The following MEGF10 variants were observed in gnomAD, a reference collection of about 807,000 sequenced individuals.
The protein encoded by MEGF10 is multiple epidermal growth factor-like domains protein 10.
Under a neutral mutation model 147.5 loss-of-function variants are expected in MEGF10, and 86 were observed. That is an observed-to-expected ratio of 0.58 (90% CI 0.49 to 0.70). MEGF10 has a LOEUF of 0.70. Ranked by LOEUF, MEGF10 falls within the 30% of genes least tolerant of loss-of-function variation. The pLI is 0.00. For missense variants in MEGF10, 1,329 were observed against 1,487.3 expected (o/e 0.89, Z 1.75); for synonymous variants, 478 against 525.5 (o/e 0.91, Z 1.24).
chr5:127,438,477 A>T lies in MEGF10; in HGVS notation c.2143A>T (p.Thr715Ser). 1 of 1,614,142 alleles carries T rather than the reference A, an allele frequency of 6.2e-7. No homozygotes were observed. The highest frequency in any genetic ancestry group is 1.7e-5 in the Admixed American group (1 of 60,016). Residue 715 changes from threonine to serine, a missense_variant, in exon 17 of 25, where the codon ACG (threonine) becomes TCG (serine). Physicochemically the swap from Thr to Ser is moderately conservative, Grantham distance 58 (BLOSUM62 1). This residue lies in a region of MEGF10 where 980 missense variants were observed against 1,085.9 expected (regional missense o/e 0.90). Transcript: ENST00000503335. ...CCACTGGGGCCCAAACTGCATCCAC[A>T]CGTGCAACTGCCATAATGGAGCTTT... Reference protein sequence around the residue: ...PAHWGPNCIHTCNCHNGAFCS... With the variant: ...PAHWGPNCIHSCNCHNGAFCS...
At chr5:127,415,795 C>T (rs558442146) in intron 9 of MEGF10, among the ~76,000 whole-genome samples, 39 of 147,766 alleles carry the variant, frequency 2.6e-4, no homozygotes, top group African/African-American at 8.9e-4. Context: ...CCCAGCTACT[C>T]GGGAGGCTGA....
At chr5:127,307,978 G>A (rs552559816) in intron 1 of MEGF10, among the ~76,000 whole-genome samples, 12 of 152,140 alleles carry the variant, frequency 7.9e-5, no homozygotes, top group Admixed American at 3.3e-4. Context: ...CAGAAGTCTC[G>A]CTGTCCCCTC....
At chr5:127,357,289 T>G (rs1303429780) in intron 4 of MEGF10, among the ~76,000 whole-genome samples, 3 of 152,184 alleles carry the variant, frequency 2.0e-5, no homozygotes, top group African/African-American at 7.2e-5. Context: ...ACAGAGGTAT[T>G]TTATGACAAA....
chr5:127,331,036 G>T (rs927895293), intron 1 of MEGF10, among the ~76,000 whole-genome samples: 1 of 152,168 alleles, frequency 6.6e-6, no homozygotes, highest in African/African-American at 2.4e-5. Flanking sequence ...AAATGAGAAG[G>T]GCTTTTGTTC....
intron 13 of MEGF10, among the ~76,000 whole-genome samples, chr5:127,432,397 G>A (rs958334121): frequency 6.6e-6 from 1 of 152,202 alleles, no homozygotes; most frequent in African/African-American, 2.4e-5. Flanking sequence ...GTGGTACTGG[G>A]TGGTTGTTAG....
chr5:127,266,314 G>T, the MEGF10 span, among the ~76,000 whole-genome samples: 3 of 151,984 alleles, frequency 2.0e-5, no homozygotes, highest in South Asian at 2.1e-4. Flanking sequence ...TGCTGTTTTG[G>T]TTACTGTAGC....
At chr5:127,272,130 G>A in the MEGF10 span, among the ~76,000 whole-genome samples, 1 of 152,136 alleles carries the variant, frequency 6.6e-6, no homozygotes, top group Admixed American at 6.5e-5. Context: ...AAGGAGTCCA[G>A]TTTCAATTTT....
At chr5:127,444,601 A>G (rs1476937317) in intron 19 of MEGF10, 1 of 152,216 alleles carries the variant, frequency 6.6e-6, no homozygotes, top group Non-Finnish European at 1.5e-5. Flanking sequence ...CAATTTTTTT[A>G]GATGCCAGAT....
At chr5:127,332,421 A>C (rs2126786131) in intron 2 of MEGF10, among the ~76,000 whole-genome samples, 1 of 152,300 alleles carries the variant, frequency 6.6e-6, no homozygotes, top group Admixed American at 6.5e-5. Context: ...CACACATTCT[A>C]ATCACCTTTG....
chr5:127,331,007 C>G (rs1217137098), intron 1 of MEGF10, among the ~76,000 whole-genome samples: 1 of 152,142 alleles, frequency 6.6e-6, no homozygotes, highest in Non-Finnish European at 1.5e-5. Flanking sequence ...TGGTAGATTT[C>G]TTTAATATTG....
At chr5:127,372,795 T>A (rs1303109873) in intron 5 of MEGF10, among the ~76,000 whole-genome samples, 1 of 152,192 alleles carries the variant, frequency 6.6e-6, no homozygotes, top group African/African-American at 2.4e-5. Flanking sequence ...GTGACATCAC[T>A]GGTGTCATCA....
chr5:127,302,170 C>A (rs1187368404), intron 1 of MEGF10, among the ~76,000 whole-genome samples: 3 of 152,130 alleles, frequency 2.0e-5, no homozygotes, highest in African/African-American at 7.2e-5. Flanking sequence ...ATGCTCCTAG[C>A]AGCATTATTT....
At chr5:127,363,125 G>T (rs938610088) in intron 4 of MEGF10, among the ~76,000 whole-genome samples, 3 of 152,100 alleles carry the variant, frequency 2.0e-5, no homozygotes, top group African/African-American at 7.2e-5. Flanking sequence ...TAAAATGTAT[G>T]GCAGAAGTTC....
Position 127,445,603 on chromosome 5 carries a change from A to G in MEGF10, c.2638A>G (p.Arg880Gly). 1 of 1,614,118 alleles carries G rather than the reference A, an allele frequency of 6.2e-7. No individual in the cohort carries two copies. Among genetic ancestry groups the G allele is most frequent in the Non-Finnish European group, 8.5e-7 (1 of 1,180,024 alleles). Residue 880 changes from arginine to glycine, a missense_variant, in exon 20 of 25, where the codon AGA becomes GGA. By Grantham distance (125) the Arg-to-Gly change is moderately radical. Around this residue, in one of 3 missense-constraint regions of MEGF10, gnomAD observed 343 missense variants for 377.9 expected, o/e 0.91. Transcript: ENST00000503335. ...CCTACTGGCATTGTTCATTATTTAT[A>G]GACACAAGCAGAAGGGAAAGGAATC... is the stretch of plus-strand genomic sequence containing the variant. ...LFLLALFIIY[R>G]HKQKGKESSM...
intron 1 of MEGF10, 104 bp downstream of exon 1, chr5:127,291,160 G>C (rs979911556): frequency 1.3e-5 from 2 of 152,298 alleles, no homozygotes; most frequent in Non-Finnish European, 2.9e-5. Context: ...AGGGTACCGG[G>C]GTGCGGCGTG....
At chr5:127,249,148 T>C in the MEGF10 span, among the ~76,000 whole-genome samples, 1 of 152,010 alleles carries the variant, frequency 6.6e-6, no homozygotes, top group African/African-American at 2.4e-5. Context: ...GCTTGGGTAC[T>C]GTGTTGTGGC....
chr5:127,338,688 A>C (rs151308084), intron 2 of MEGF10, among the ~76,000 whole-genome samples: 105 of 152,282 alleles, frequency 6.9e-4, no homozygotes, highest in African/African-American at 2.1e-3. Context: ...CAGTAGCAAA[A>C]TGCACTCTAT....
At chr5:127,446,294 G>A (rs1765939725) in intron 20 of MEGF10, among the ~76,000 whole-genome samples, 4 of 152,140 alleles carry the variant, frequency 2.6e-5, no homozygotes, top group Admixed American at 1.3e-4. Flanking sequence ...TTTACATGGA[G>A]GAATTTAAAA....
intron 11 of MEGF10, 109 bp downstream of exon 11, chr5:127,419,349 C>T (rs1764896597): frequency 1.5e-6 from 2 of 1,344,690 alleles, no homozygotes; most frequent in African/African-American, 1.5e-5. Context: ...CACCAAAATT[C>T]AGTGTCTGAC....
Sources: gnomAD v4.1 joint callset for allele counts (sites outside exome capture counted in the v4.1 genomes callset) on GRCh38, gnomAD v4.1.1 for gene constraint, gnomAD v4.1.1 regional missense constraint, MANE v1.5 for transcripts, NCBI Gene and HGNC (gene_info 2026-07-23, HGNC 2026-07-21) for gene names.